PPP1R10: variants seen among roughly 807,000 people sequenced by gnomAD.
The protein encoded by PPP1R10 is protein phosphatase 1 regulatory subunit 10, also known as serine/threonine-protein phosphatase 1 regulatory subunit 10.
Under a neutral mutation model 99.0 loss-of-function variants are expected in PPP1R10, and 15 were observed. That is an observed-to-expected ratio of 0.15 (90% CI 0.10 to 0.23). The LOEUF (loss-of-function observed/expected upper bound fraction) is 0.23. Among genes scored for constraint, PPP1R10 ranks in the 10% least tolerant of loss-of-function variants. The pLI, the probability that PPP1R10 is intolerant of heterozygous loss-of-function variation, is 1.00. For synonymous variants in PPP1R10, 430 were observed against 449.5 expected, an observed-to-expected ratio of 0.96 and a Z score of 0.55; for missense variants, 947 against 1,259.4, an observed-to-expected ratio of 0.75 and a Z score of 3.75.
chr6:30,604,283 G>C lies in PPP1R10; in HGVS notation c.1262-29C>G. The C allele has an allele frequency of 6.2e-7, 1 of 1,613,798 alleles. No individual in the cohort carries two copies. Among genetic ancestry groups the C allele is most frequent in the Non-Finnish European group, 8.5e-7 (1 of 1,179,710 alleles). On this transcript the variant is annotated intron_variant, in intron 13 of 19. Transcript: ENST00000376511. This position sits in a 1 kb window ranked among gnomAD's most constrained non-coding sequence, Gnocchi z 7.3. ...TCGGCAGGGGAAGAAAAGCAAGAGG[G>C]AAAGTAAGCACAACCAAGTCCTTTC...
chr6:30,607,256 A>C (rs2127443321), intron 6 of PPP1R10, among the ~76,000 whole-genome samples: 1 of 152,346 alleles, frequency 6.6e-6, no homozygotes, highest in South Asian at 2.1e-4. Context: ...AGTTCCTCAA[A>C]AACTGACATT....
At position 30,602,634 on chromosome 6, in the gene PPP1R10, G is replaced by A; in HGVS notation, c.2015C>T (p.Pro672Leu). ...CCAGAAGGGATCACCTCCCCGGGGA[G>A]GGGGTGGAGGACCCAGAAGACGTGG... ...VGPRLLGPPP[P>L]PRGGDPFWDG... Residue 672 changes from proline (P) to leucine (L), a missense_variant, in exon 19 of 20, where the codon CCT becomes CTT. Pro to Leu is a moderately conservative substitution (Grantham distance 98, BLOSUM62 -3). This residue lies in a region of PPP1R10 where 525 missense variants were observed against 578.8 expected (regional missense o/e 0.91). Coordinates refer to ENST00000376511, the MANE Select transcript of PPP1R10 (RefSeq NM_002714.4). This position sits in a 1 kb window ranked among gnomAD's most constrained non-coding sequence, Gnocchi z 6.7. The A allele has an allele frequency of 6.3e-7, 1 of 1,593,592 alleles. No individual in the cohort carries two copies. Among genetic ancestry groups the A allele is most frequent in the Non-Finnish European group, 8.5e-7 (1 of 1,172,532 alleles).
At chr6:30,605,841 C>T (rs1030873223) in intron 10 of PPP1R10, 82 bp downstream of exon 10, 17 of 1,332,488 alleles carry the variant, frequency 1.3e-5, no homozygotes, top group South Asian at 2.6e-5. Context: ...GCCTGGGTGA[C>T]AGAGTGAGAC....
chr6:30,608,674 T>C, intron 5 of PPP1R10, 105 bp downstream of exon 5: 3 of 1,364,744 alleles, frequency 2.2e-6, no homozygotes, highest in Non-Finnish European at 3.0e-6. Context: ...TTTCTGCTGT[T>C]CTACCTCACA....
At chr6:30,605,246 G>A in intron 10 of PPP1R10, 152 bp from the exon 11 acceptor site, 1 of 658,414 alleles carries the variant, frequency 1.5e-6, no homozygotes, top group Non-Finnish European at 2.6e-6. Context: ...ACATGCAGGA[G>A]GATTCACACA....
At chr6:30,615,962 C>G (rs151281154) in intron 2 of PPP1R10, among the ~76,000 whole-genome samples, 2 of 152,328 alleles carry the variant, frequency 1.3e-5, no homozygotes, top group Admixed American at 1.3e-4. Flanking sequence ...GCTATTACTT[C>G]TCTCTGCCCA....
At chr6:30,607,983 C>CTTT (rs373428073) in intron 5 of PPP1R10, 92 bp from the exon 6 acceptor site, 184 of 906,120 alleles carry the variant, frequency 2.0e-4, no homozygotes, top group African/African-American at 1.1e-3. Context: ...GTCCTCCCTG[C>CTTT]TTTTTTTTTT....
chr6:30,615,833 C>T (rs1760446737), intron 2 of PPP1R10, among the ~76,000 whole-genome samples: 1 of 152,110 alleles, frequency 6.6e-6, no homozygotes, highest in South Asian at 2.1e-4. Flanking sequence ...TATATTTTGT[C>T]CTAAGTGTCT....
chr6:30,614,261 G>C (rs1804851777), intron 2 of PPP1R10, among the ~76,000 whole-genome samples: 1 of 150,880 alleles, frequency 6.6e-6, no homozygotes, highest in African/African-American at 2.4e-5. Context: ...TCTTTTAGAA[G>C]GGAAGGAAAA....
chr6:30,608,643 T>G, intron 5 of PPP1R10, 136 bp downstream of exon 5: 1 of 1,159,634 alleles, frequency 8.6e-7, no homozygotes, highest in Non-Finnish European at 1.2e-6. Context: ...CCAAGTCTTC[T>G]TCTTCTAAAT....
At chr6:30,615,461 T>C (rs1204577084) in intron 2 of PPP1R10, among the ~76,000 whole-genome samples, 1 of 151,942 alleles carries the variant, frequency 6.6e-6, no homozygotes, top group African/African-American at 2.4e-5. Flanking sequence ...TCTCAACAAA[T>C]AGGGTTGAGG....
chr6:30,605,152 T>C (rs1803799136), intron 10 of PPP1R10, 58 bp from the exon 11 acceptor site: 1 of 1,472,582 alleles, frequency 6.8e-7, no homozygotes, highest in South Asian at 1.2e-5. Context: ...ATCCTACACC[T>C]GCAAACACAG....
rs1475013147 is a variant in PPP1R10 at position 30,603,504 on chromosome 6, T to C, written c.1735A>G (p.Ile579Val). 33 of 1,612,564 alleles carry C rather than the reference T, an allele frequency of 2.0e-5. No individual in the cohort carries two copies. The highest frequency in any genetic ancestry group is 2.8e-5 in the Non-Finnish European group (33 of 1,179,428). Reference protein sequence around the residue: ...KGPQGPGGGGINVQEILTSIM... With the variant: ...KGPQGPGGGGVNVQEILTSIM... ...GAGGTGAGGATCTCTTGGACATTAATGCCTCCTCCTCCAGGGCCTTGGGGG... is the reference window on the plus strand; with the variant it reads ...GAGGTGAGGATCTCTTGGACATTAACGCCTCCTCCTCCAGGGCCTTGGGGG... The change falls in exon 16 of 20, where the codon ATT becomes GTT. Residue 579 changes from isoleucine (I) to valine (V), a missense_variant. Transcript: ENST00000376511.
intron 2 of PPP1R10, among the ~76,000 whole-genome samples, chr6:30,612,179 A>C (rs1804627935): frequency 6.6e-6 from 1 of 152,218 alleles, no homozygotes; most frequent in African/African-American, 2.4e-5. Flanking sequence ...ATTTGACAAA[A>C]GGCCTTGAAT....
chr6:30,602,152 C>T lies in PPP1R10; in HGVS notation c.2497G>A (p.Glu833Lys). ...CCACCCATGCTTCCGCCAGGGCCTT[C>T]GTGGGGGCGATGTCCACCACCGGCA... ...MGAGGGHRPH[E>K]GPGGSMGGSG... The change falls in exon 19 of 20, where the codon GAA (glutamate) becomes AAA (lysine). Residue 833 changes from glutamate (E) to lysine (K), a missense_variant. Coordinates refer to ENST00000376511, the MANE Select transcript of PPP1R10 (RefSeq NM_002714.4). This position sits in a 1 kb window ranked among gnomAD's most constrained non-coding sequence, Gnocchi z 6.7. The T allele has an allele frequency of 1.2e-6, 2 of 1,610,012 alleles. No individual in the cohort carries two copies. The highest frequency in any genetic ancestry group is 1.7e-6 in the Non-Finnish European group (2 of 1,178,666).
In PPP1R10 at chr6:30,606,723, G is replaced by A. The variant is rs1803991736; in HGVS notation, c.460+56C>T. Reference sequence around the variant, plus strand: ...TGAAGCAGACTGGGAGCACCTAAAGGCCACATCCCAATAGGAAAGAAATAA... The same window carrying A: ...TGAAGCAGACTGGGAGCACCTAAAGACCACATCCCAATAGGAAAGAAATAA... On this transcript the variant is annotated intron_variant, in intron 7 of 19. Coordinates refer to ENST00000376511, the MANE Select transcript of PPP1R10 (RefSeq NM_002714.4). This position sits in a 1 kb window ranked among gnomAD's most constrained non-coding sequence, Gnocchi z 6.3. 6.2e-7 allele frequency: 1 copy of A among 1,609,258 alleles called. No individual in the cohort carries two copies. Among genetic ancestry groups the A allele is most frequent in the African/African-American group, 1.3e-5 (1 of 74,916 alleles).
Position 30,606,755 on chromosome 6 carries a change from A to C in PPP1R10, c.460+24T>G. The C allele has an allele frequency of 6.2e-7, 1 of 1,611,970 alleles. No homozygotes were observed. Among genetic ancestry groups the C allele is most frequent in the East Asian group, 2.2e-5 (1 of 44,878 alleles). On this transcript the variant is annotated intron_variant, in intron 7 of 19. Transcript: ENST00000376511. This position sits in a 1 kb window ranked among gnomAD's most constrained non-coding sequence, Gnocchi z 6.3. ...CCCAATAGGAAAGAAATAAATACAA[A>C]GGATAAAGGACTAAGGAGCTTACCA... is the stretch of plus-strand genomic sequence containing the variant.
rs773505065 is a variant in PPP1R10, at chr6:30,601,671, T to C, written c.2714-13A>G. On this transcript the variant is annotated splice_polypyrimidine_tract_variant and intron_variant, in intron 19 of 19. Coordinates refer to ENST00000376511, the MANE Select transcript of PPP1R10 (RefSeq NM_002714.4). ...CGGTTTGACATGTCTGTGGGAACGA[T>C]GGCAAAACAGTTAGACAGGAAATAG... is the stretch of plus-strand genomic sequence containing the variant. 2 of 1,611,332 alleles carry C rather than the reference T, an allele frequency of 1.2e-6. No individual in the cohort carries two copies. The highest frequency in any genetic ancestry group is 1.1e-5 in the South Asian group (1 of 91,008).
Position 30,601,385 on chromosome 6 carries a change from A to G in PPP1R10, c.*164T>C, listed in dbSNP as rs1582632627. 3.2e-6 allele frequency: 2 copies of G among 615,462 alleles called. No individual in the cohort carries two copies. Among genetic ancestry groups the G allele is most frequent in the African/African-American group, 1.9e-5 (1 of 53,968 alleles). 38.1% of individuals were successfully genotyped at this position (615,462 alleles called of 1,614,324 possible). On this transcript the variant is annotated 3_prime_UTR_variant, in exon 20 of 20. Coordinates refer to ENST00000376511, the MANE Select transcript of PPP1R10 (RefSeq NM_002714.4). ...GAAAATATGTACATCAATGCGCACCAGTGATCAGAAAACCCCCAGGAACCC... is the reference window on the plus strand; with the variant it reads ...GAAAATATGTACATCAATGCGCACCGGTGATCAGAAAACCCCCAGGAACCC...
Sources: allele counts gnomAD v4.1 joint callset (sites outside exome capture counted in the v4.1 genomes callset), GRCh38; gene constraint gnomAD v4.1.1; regional missense constraint gnomAD v4.1.1; non-coding constraint Gnocchi (gnomAD v3.1); transcripts MANE v1.5; gene names NCBI Gene and HGNC (gene_info 2026-07-23, HGNC 2026-07-21).